MBOAT1: variants seen among roughly 807,000 people sequenced by gnomAD.
MBOAT1 encodes membrane bound glycerophospholipid O-acyltransferase 1.
MBOAT1 carries 67 observed loss-of-function variants against 64.4 expected under a neutral mutation model. The ratio of observed to expected loss-of-function variants is 1.04; its 90% CI spans 0.85 to 1.27. The LOEUF is 1.27. Ranked by LOEUF, MBOAT1 falls within the 50% of genes most tolerant of loss-of-function variation. The pLI, the probability that MBOAT1 is intolerant of heterozygous loss-of-function variation, is 0.00. For synonymous variants in MBOAT1, 229 were observed against 218.9 expected (o/e 1.05, Z -0.41); for missense variants, 563 against 604.6 (o/e 0.93, Z 0.72).
At position 20,102,430 on chromosome 6, in the gene MBOAT1, CA is replaced by C; in HGVS notation, c.1362-19del. ...ACATGGACCTGGGAATAAAAATATA[CA>C]AAAATTATATTTCAAATAAGGATGT... On this transcript the variant is annotated intron_variant, in intron 12 of 12. Transcript: ENST00000324607. 2 of 1,575,196 alleles carry C rather than the reference CA, an allele frequency of 1.3e-6. No individual in the cohort carries two copies. The highest frequency in any genetic ancestry group is 2.3e-5 in the South Asian group (2 of 88,558).
At chr6:20,176,246 C>T (rs112097806) in intron 1 of MBOAT1, among the ~76,000 whole-genome samples, 1,527 of 151,808 alleles carry the variant, frequency 0.01, 30 homozygotes, top group African/African-American at 0.035. Context: ...ATTGCACCAC[C>T]GCAGTAAATC....
chr6:20,207,946 AT>A (rs1021936464), intron 1 of MBOAT1, among the ~76,000 whole-genome samples: 10 of 152,074 alleles, frequency 6.6e-5, no homozygotes, highest in African/African-American at 2.4e-4. Flanking sequence ...GGGGACCTTG[AT>A]TTTTTTCATC....
chr6:20,175,437 T>TTTTA lies in MBOAT1; in HGVS notation c.100-22672_100-22669dup, dbSNP rs568565974. On this transcript the variant is annotated intron_variant, in intron 1 of 12. Coordinates refer to ENST00000324607, the MANE Select transcript of MBOAT1 (RefSeq NM_001080480.3). ...CTGAACCCAATTTGTCCTTTAATTGTTTTATTTATTTATTTATTTATTTTT... is the reference window on the plus strand; with the variant it reads ...CTGAACCCAATTTGTCCTTTAATTGTTTTATTTATTTATTTATTTATTTATTTTT... Among the ~76,000 whole-genome samples, 420 of 151,596 alleles carry TTTTA rather than the reference T, an allele frequency of 2.8e-3. 2 individuals are homozygous for TTTTA. The highest frequency in any genetic ancestry group is 0.017 in the Middle Eastern group (5 of 294).
intron 3 of MBOAT1, among the ~76,000 whole-genome samples, chr6:20,150,018 TGAAA>T (rs1761442845): frequency 6.6e-6 from 1 of 152,096 alleles, no homozygotes; most frequent in South Asian, 2.1e-4. Flanking sequence ...GATACAACAG[TGAAA>T]GAGAGAGAGA....
chr6:20,135,029 C>T (rs1306234614), intron 4 of MBOAT1, among the ~76,000 whole-genome samples: 1 of 150,418 alleles, frequency 6.6e-6, no homozygotes, highest in Non-Finnish European at 1.5e-5. Flanking sequence ...CCAACAATTT[C>T]CTTAAAATTA....
At chr6:20,199,943 G>A (rs1276139193) in intron 1 of MBOAT1, among the ~76,000 whole-genome samples, 1 of 151,564 alleles carries the variant, frequency 6.6e-6, no homozygotes, top group African/African-American at 2.4e-5. Flanking sequence ...ACTCCAGCCT[G>A]GGCAACAGGG....
At chr6:20,195,116 C>G (rs995167411) in intron 1 of MBOAT1, among the ~76,000 whole-genome samples, 11 of 151,982 alleles carry the variant, frequency 7.2e-5, no homozygotes, top group African/African-American at 2.7e-4. Flanking sequence ...CCATGCCCGG[C>G]TAATTTTTAC....
At chr6:20,123,862 C>T (rs550838696) in intron 8 of MBOAT1, among the ~76,000 whole-genome samples, 1 of 152,138 alleles carries the variant, frequency 6.6e-6, no homozygotes, top group Non-Finnish European at 1.5e-5. Context: ...CGAGACCATC[C>T]TGGCTAACAC....
At chr6:20,123,387 G>A (rs1426513468) in intron 8 of MBOAT1, among the ~76,000 whole-genome samples, 1 of 152,104 alleles carries the variant, frequency 6.6e-6, no homozygotes, top group Admixed American at 6.6e-5. Context: ...TCCCTGAAAG[G>A]GTTCCAGTGT....
Position 20,131,146 on chromosome 6 carries a change from T to A in MBOAT1, c.473A>T (p.Asp158Val). The A allele has an allele frequency of 6.2e-7, 1 of 1,613,636 alleles. No homozygotes were observed. Among genetic ancestry groups the A allele is most frequent in the Non-Finnish European group, 8.5e-7 (1 of 1,179,592 alleles). Residue 158 changes from aspartate to valine, a missense_variant and splice_region_variant, in exon 5 of 13, where the codon GAT (aspartate) becomes GTT (valine). Asp to Val is a radical substitution (Grantham distance 152). Transcript: ENST00000324607. ...KITTLAFQVH[D>V]GLGRRAEDLS... ...AAAAGGAGGGCTGCTGTTCTTACCATCATGAACCTGGAATGCCAAGGTTGT... is the reference window on the plus strand; with the variant it reads ...AAAAGGAGGGCTGCTGTTCTTACCAACATGAACCTGGAATGCCAAGGTTGT...
At chr6:20,171,111 A>C (rs1762176965) in intron 1 of MBOAT1, among the ~76,000 whole-genome samples, 2 of 152,192 alleles carry the variant, frequency 1.3e-5, no homozygotes, top group African/African-American at 4.8e-5. Flanking sequence ...AAAGAAATAC[A>C]GTTTCAGGCC....
intron 4 of MBOAT1, among the ~76,000 whole-genome samples, chr6:20,137,349 C>G (rs925437092): frequency 5.3e-5 from 8 of 152,044 alleles, no homozygotes; most frequent in African/African-American, 1.4e-4. Context: ...TTGCTGGGGC[C>G]CTCCAAAGAA....
intron 1 of MBOAT1, among the ~76,000 whole-genome samples, chr6:20,165,040 A>G (rs907852995): frequency 6.6e-6 from 1 of 152,212 alleles, no homozygotes; most frequent in Non-Finnish European, 1.5e-5. Context: ...TATTAAATGC[A>G]TTGTTTGATT....
rs547307279 is a variant in MBOAT1 at position 20,110,099 on chromosome 6, T to C, written c.1210-350A>G. The stretch of plus-strand genomic sequence containing the variant: ...TAATTTTTTGTATTTTTAGTAGAGC[T>C]GGGGTTTCGCCATGTTGGCCAGGCT... On this transcript the variant is annotated intron_variant, in intron 11 of 12. Transcript: ENST00000324607. 7.0e-3 allele frequency among the ~76,000 whole-genome samples: 1,058 copies of C among 151,646 alleles called. 12 individuals carry two copies. The highest frequency in any genetic ancestry group is 0.024 in the African/African-American group (995 of 41,356).
intron 4 of MBOAT1, among the ~76,000 whole-genome samples, chr6:20,143,802 C>A (rs559703028): frequency 6.6e-6 from 1 of 152,234 alleles, no homozygotes; most frequent in African/African-American, 2.4e-5. Context: ...GAGTTAAGAA[C>A]CTCAGAACAG....
intron 1 of MBOAT1, among the ~76,000 whole-genome samples, chr6:20,198,227 C>CA (rs5874758): frequency 1.2e-3 from 146 of 125,606 alleles, no homozygotes; most frequent in South Asian, 3.6e-3. Flanking sequence ...GACTGTGTCT[C>CA]AAAAAAAAAA....
intron 1 of MBOAT1, among the ~76,000 whole-genome samples, chr6:20,198,262 A>G (rs922705105): frequency 6.6e-6 from 1 of 151,970 alleles, no homozygotes; most frequent in African/African-American, 2.4e-5. Context: ...AAAAAAGAAA[A>G]GAAAAAATCA....
In MBOAT1 at chr6:20,117,251, T is replaced by A. The variant is rs16883362; in HGVS notation, c.1011+1186A>T. The stretch of plus-strand genomic sequence containing the variant: ...GGAGACCCCAGATCCTCTAGGACTA[T>A]ACAAAAATGAGTGTTTTGCCCGCAG... On this transcript the variant is annotated intron_variant, in intron 9 of 12. Coordinates refer to ENST00000324607, the MANE Select transcript of MBOAT1 (RefSeq NM_001080480.3). Among the ~76,000 whole-genome samples, 641 of 152,348 alleles carry A rather than the reference T, an allele frequency of 4.2e-3. 5 individuals are homozygous for A. Among genetic ancestry groups the A allele is most frequent in the African/African-American group, 0.015 (623 of 41,574 alleles).
intron 1 of MBOAT1, among the ~76,000 whole-genome samples, chr6:20,193,689 C>G (rs1762872747): frequency 6.6e-6 from 1 of 151,254 alleles, no homozygotes; most frequent in African/African-American, 2.4e-5. Context: ...TCACTGCAAC[C>G]TCTGCCTCCC....
Sources: allele counts gnomAD v4.1 joint callset (sites outside exome capture counted in the v4.1 genomes callset), GRCh38; gene constraint gnomAD v4.1.1; transcripts MANE v1.5; gene names NCBI Gene and HGNC (gene_info 2026-07-23, HGNC 2026-07-21).